IL17RA: variants seen among roughly 807,000 people sequenced by gnomAD.
The protein encoded by IL17RA is interleukin-17 receptor A.
Under a neutral mutation model 50.4 loss-of-function variants are expected in IL17RA, and 34 were observed. The ratio of observed to expected loss-of-function variants is 0.67; its 90% confidence interval spans 0.51 to 0.90. IL17RA has a LOEUF of 0.90. Ranked by LOEUF, IL17RA falls within the 40% of genes least tolerant of loss-of-function variation. IL17RA has a pLI of 0.00. For synonymous variants in IL17RA, 585 were observed against 510.4 expected, an observed-to-expected ratio of 1.15 and a Z score of -1.97; for missense variants, 1,276 against 1,169.8, an observed-to-expected ratio of 1.09 and a Z score of -1.32.
In IL17RA at chr22:17,108,875, G is replaced by A. The variant is rs746697957; in HGVS notation, c.1656G>A (p.Glu552=). The change falls in exon 13 of 13, where the codon GAG becomes GAA. Residue 552 remains glutamate, a synonymous_variant. Coordinates refer to ENST00000319363, the MANE Select transcript of IL17RA (RefSeq NM_014339.7). ...CGGGCCGCATGCACCGCGTAGGGGA[G>A]CTGTCGGGGGACAACTACCTGCGGA... ...FQPGRMHRVG[E]LSGDNYLRSP... 4.3e-6 allele frequency: 7 copies of A among 1,610,484 alleles called. No homozygotes were observed. The East Asian group carries it at 1.3e-4, about 31-fold the overall frequency.
intron 1 of IL17RA, 66 bp downstream of exon 1, chr22:17,085,295 GC>G: frequency 6.6e-7 from 1 of 1,525,944 alleles, no homozygotes; most frequent in Middle Eastern, 2.3e-4. Flanking sequence ...GTCGCGGAGG[GC>G]CGGACGGTCG....
intron 7 of IL17RA, among the ~76,000 whole-genome samples, chr22:17,102,589 G>A (rs1033123844): frequency 6.9e-6 from 1 of 145,228 alleles, no homozygotes; most frequent in African/African-American, 2.5e-5. Flanking sequence ...ATTACAAAAA[G>A]GATTTGAGGA....
At chr22:17,085,254 A>G (rs2061322502) in intron 1 of IL17RA, 25 bp downstream of exon 1, 4 of 1,537,026 alleles carry the variant, frequency 2.6e-6, no homozygotes, top group Non-Finnish European at 8.7e-7. Flanking sequence ...GGGGAGCGGT[A>G]GCCGCCAGGA....
At chr22:17,094,691 C>CTCTCTCTCTATATATATATA (rs1448096911) in intron 1 of IL17RA, among the ~76,000 whole-genome samples, 4 of 24,692 alleles carry the variant, frequency 1.6e-4, no homozygotes, top group Non-Finnish European at 2.7e-4. Flanking sequence ...CTCTCTCTCT[C>CTCTCTCTCTATATATATATA]TATATATATA....
At chr22:17,091,448 G>A (rs1252792044) in intron 1 of IL17RA, among the ~76,000 whole-genome samples, 9 of 152,116 alleles carry the variant, frequency 5.9e-5, no homozygotes, top group Admixed American at 1.3e-4. Flanking sequence ...AGGCCGAGGC[G>A]GGCGGATCAC....
Position 17,109,554 on chromosome 22 carries a change from C to T in IL17RA, c.2335C>T (p.His779Tyr), listed in dbSNP as rs1416810316. The T allele has an allele frequency of 6.2e-7, 1 of 1,600,260 alleles. No homozygotes were observed. The highest frequency in any genetic ancestry group is 1.7e-5 in the Admixed American group (1 of 57,850). The part of the protein sequence containing the change: ...SRPAMVLTDP[H>Y]TPYEEEQRQS... ...ACCCGCCATGGTCCTCACAGACCCA[C>T]ACACGCCCTACGAGGAGGAGCAGCG... Residue 779 changes from histidine to tyrosine, a missense_variant, in exon 13 of 13, where the codon CAC (histidine) becomes TAC (tyrosine). By Grantham distance (83) the His-to-Tyr change is moderately conservative. Transcript: ENST00000319363.
In IL17RA at chr22:17,094,693, A is replaced by G. The variant is rs8135457; in HGVS notation, c.139-2369A>G. 1.1e-4 allele frequency among the ~76,000 whole-genome samples: 5 copies of G among 45,248 alleles called. 1 individual carries two copies. The highest frequency in any genetic ancestry group is 3.4e-4 in the African/African-American group (2 of 5,894). 29.7% of individuals were successfully genotyped at this position (45,248 alleles called of 152,430 possible). On this transcript the variant is annotated intron_variant, in intron 1 of 12. Coordinates refer to ENST00000319363, the MANE Select transcript of IL17RA (RefSeq NM_014339.7). ...TCTCTCTCTCTCTCTCTCTCTCTCT[A>G]TATATATATATATATATATATATAT...
chr22:17,109,902 G>GA lies in IL17RA; in HGVS notation c.*82_*83insA. 3 of 1,245,278 alleles carry GA rather than the reference G, an allele frequency of 2.4e-6. No homozygotes were observed. The highest frequency in any genetic ancestry group is 3.4e-6 in the Non-Finnish European group (3 of 889,250). 77.1% of individuals were successfully genotyped at this position (1,245,278 alleles called of 1,614,324 possible). A position where few individuals can be genotyped will look rare whatever the true frequency, so the allele number is the denominator to read the frequency against. ...CGTATTCATCTGTGTGTACATGTCT[G>GA]CATGTGTATATGTTCGTGTGTGAAA... On this transcript the variant is annotated 3_prime_UTR_variant, in exon 13 of 13. Coordinates refer to ENST00000319363, the MANE Select transcript of IL17RA (RefSeq NM_014339.7).
chr22:17,104,444 T>C (rs1197199338), intron 8 of IL17RA, among the ~76,000 whole-genome samples: 1 of 151,980 alleles, frequency 6.6e-6, no homozygotes, highest in Non-Finnish European at 1.5e-5. Context: ...GCATTCTTGC[T>C]GGTGGACAGG....
chr22:17,104,152 A>T (rs111213215), intron 8 of IL17RA, among the ~76,000 whole-genome samples: 552 of 20,210 alleles, frequency 0.027, no homozygotes, highest in Middle Eastern at 0.077. Flanking sequence ...AGGTGGAGAG[A>T]GTGGTGTGGC....
chr22:17,094,691 C>CTCTCTCTCTCTCTATGTA (rs1448096911), intron 1 of IL17RA, among the ~76,000 whole-genome samples: 1 of 24,722 alleles, frequency 4.0e-5, no homozygotes, highest in South Asian at 1.7e-3. Context: ...CTCTCTCTCT[C>CTCTCTCTCTCTCTATGTA]TATATATATA....
At position 17,098,756 on chromosome 22, in the gene IL17RA, T is replaced by C; in HGVS notation, c.311-19T>C. On this transcript the variant is annotated intron_variant, in intron 3 of 12. Transcript: ENST00000319363. ...GGCTGATCTGCATCTGTTTGTCTTC[T>C]CTTCTCCCTCTCCTGCAGCCAGCAT... 6.2e-7 allele frequency: 1 copy of C among 1,603,678 alleles called. No homozygotes were observed. Among genetic ancestry groups the C allele is most frequent in the Non-Finnish European group, 8.5e-7 (1 of 1,170,554 alleles).
At chr22:17,089,727 G>A (rs2061341026) in intron 1 of IL17RA, among the ~76,000 whole-genome samples, 1 of 152,134 alleles carries the variant, frequency 6.6e-6, no homozygotes, top group South Asian at 2.1e-4. Flanking sequence ...ACAAAAATTA[G>A]CCAGGTGTGG....
chr22:17,109,813 G>A lies in IL17RA; in HGVS notation c.2594G>A (p.Ser865Asn). The A allele has an allele frequency of 6.5e-7, 1 of 1,549,388 alleles. No individual in the cohort carries two copies. The highest frequency in any genetic ancestry group is 8.7e-7 in the Non-Finnish European group (1 of 1,147,048). ...ATGGGGTCAGAGTCAGAGGGGCCCA[G>A]TGCATGAGGGCGGCTCCCCAGGGAC... ...DTMGSESEGPSA is the reference protein window; with the variant it reads ...DTMGSESEGPNA Residue 865 changes from serine to asparagine, a missense_variant, in exon 13 of 13, where the codon AGT becomes AAT. Coordinates refer to ENST00000319363, the MANE Select transcript of IL17RA (RefSeq NM_014339.7).
At chr22:17,106,251 TCATC>T (rs1172872591) in intron 11 of IL17RA, among the ~76,000 whole-genome samples, 4 of 152,204 alleles carry the variant, frequency 2.6e-5, no homozygotes, top group African/African-American at 7.2e-5. Flanking sequence ...TCAGGAATGA[TCATC>T]CAGGCAGGTG....
intron 1 of IL17RA, 97 bp downstream of exon 1, chr22:17,085,326 G>A (rs1251407398): frequency 1.3e-6 from 2 of 1,506,264 alleles, no homozygotes; most frequent in Non-Finnish European, 1.8e-6. Context: ...GCCCGGGCTG[G>A]GGAGGCAGGA....
chr22:17,104,776 G>A lies in IL17RA; in HGVS notation c.897G>A (p.Ala299=), dbSNP rs770161898. 15 of 1,613,994 alleles carry A rather than the reference G, an allele frequency of 9.3e-6. No individual in the cohort carries two copies. In the East Asian group the frequency reaches 1.1e-4, roughly 12 times the overall value. The part of the protein sequence containing the change: ...SCLNDCLRHS[A]TVSCPEMPDT... The stretch of plus-strand genomic sequence containing the variant: ...TCAATGACTGCCTCAGACACTCCGC[G>A]ACTGTTTCCTGCCCAGAAATGCCAG... The change falls in exon 9 of 13, where the codon GCG becomes GCA. Residue 299 remains alanine (A), a synonymous_variant. Transcript: ENST00000319363.
At chr22:17,088,353 C>T (rs1317241266) in intron 1 of IL17RA, among the ~76,000 whole-genome samples, 1 of 152,136 alleles carries the variant, frequency 6.6e-6, no homozygotes, top group African/African-American at 2.4e-5. Context: ...GAGTTTTGCT[C>T]TGTCGCCCAG....
Position 17,109,158 on chromosome 22 carries a change from G to T in IL17RA, c.1939G>T (p.Val647Leu). The change falls in exon 13 of 13, where the codon GTG becomes TTG. Residue 647 changes from valine to leucine, a missense_variant. Transcript: ENST00000319363. The stretch of plus-strand genomic sequence containing the variant: ...GGTCGGGGAGGAAGGAGGAGCAGCA[G>T]TGGCAAAGCTGGAACCTCACCTGCA... ...PLVGEEGGAA[V>L]AKLEPHLQPR... 1 of 1,533,088 alleles carries T rather than the reference G, an allele frequency of 6.5e-7. No homozygotes were observed. Among genetic ancestry groups the T allele is most frequent in the Non-Finnish European group, 8.7e-7 (1 of 1,146,154 alleles). The allele number at this position is 1,533,088 out of a possible 1,614,324, so 95.0% of individuals were successfully genotyped here. A position where few individuals can be genotyped will look rare whatever the true frequency, so the allele number is the denominator to read the frequency against.
Sources: allele counts gnomAD v4.1 joint callset (sites outside exome capture counted in the v4.1 genomes callset), GRCh38; gene constraint gnomAD v4.1.1; transcripts MANE v1.5; gene names NCBI Gene and HGNC (gene_info 2026-07-23, HGNC 2026-07-21).